GBF1: variants seen among roughly 807,000 people sequenced by gnomAD.
The protein encoded by GBF1 is Golgi-specific brefeldin A-resistance guanine nucleotide exchange factor 1.
A neutral mutation model predicts 210.5 loss-of-function variants in GBF1; 114 were observed. That is an observed-to-expected ratio of 0.54 (90% CI 0.47 to 0.63). The LOEUF is 0.63. Among genes scored for constraint, GBF1 ranks in the 30% least tolerant of loss-of-function variants. The pLI, the probability that GBF1 is intolerant of heterozygous loss-of-function variation, is 0.00. For missense variants in GBF1, 1,851 were observed against 2,357.7 expected (o/e 0.79, Z 4.45); for synonymous variants, 850 against 889.2 (o/e 0.96, Z 0.78).
rs1288068996 is a variant in GBF1 at position 102,363,522 on chromosome 10, CAGAG to C, written c.2017+131_2017+134del. 3 of 962,880 alleles carry C rather than the reference CAGAG, an allele frequency of 3.1e-6. No homozygotes were observed. Among genetic ancestry groups the C allele is most frequent in the African/African-American group, 1.6e-5 (1 of 61,166 alleles). 59.6% of individuals were successfully genotyped at this position (962,880 alleles called of 1,614,324 possible). ...TGGTAGCCCGCCTCGCCTTCAGACTCAGAGAGAGGGAAGCAAACATATGGACCCT... is the reference window on the plus strand; with the variant it reads ...TGGTAGCCCGCCTCGCCTTCAGACTCAGAGGGAAGCAAACATATGGACCCT... On this transcript the variant is annotated intron_variant, in intron 16 of 39. Transcript: ENST00000369983. This position sits in a 1 kb window ranked among gnomAD's most constrained non-coding sequence, Gnocchi z 4.2.
At chr10:102,378,778 CA>C (rs1202883926) in intron 33 of GBF1, among the ~76,000 whole-genome samples, 1 of 151,948 alleles carries the variant, frequency 6.6e-6, no homozygotes, top group Non-Finnish European at 1.5e-5. Flanking sequence ...TACAAAAATA[CA>C]AAAAATTAGC....
At position 102,363,082 on chromosome 10, in the gene GBF1, C is replaced by G. The variant is rs1283512367; in HGVS notation, c.1877-174C>G. Among the ~76,000 whole-genome samples the G allele has an allele frequency of 6.6e-6, 1 of 152,152 alleles. No individual in the cohort carries two copies. The highest frequency in any genetic ancestry group is 1.5e-5 in the Non-Finnish European group (1 of 68,028). On this transcript the variant is annotated intron_variant, in intron 15 of 39. Coordinates refer to ENST00000369983, the MANE Select transcript of GBF1 (RefSeq NM_001377137.1). The surrounding 1 kb of genome is among the most constrained non-coding windows in gnomAD (Gnocchi z 4.2). ...TAATCTCTTCATTAAATTAGAGAAT[C>G]TAATGCTTGGCTGGGACAGGGACTA...
At chr10:102,336,073 A>G (rs2057709637) in intron 3 of GBF1, among the ~76,000 whole-genome samples, 2 of 152,040 alleles carry the variant, frequency 1.3e-5, no homozygotes, top group Non-Finnish European at 2.9e-5. Flanking sequence ...AGGCCGAGGC[A>G]GGCAGATCAC....
chr10:102,337,271 G>A (rs894185327), intron 3 of GBF1, among the ~76,000 whole-genome samples: 9 of 82,544 alleles, frequency 1.1e-4, no homozygotes, highest in African/African-American at 1.9e-4. Flanking sequence ...CCAGGTACTC[G>A]GGGGGCTGAG....
chr10:102,243,845 C>T (rs1396559556), upstream of GBF1, among the ~76,000 whole-genome samples: 2 of 152,020 alleles, frequency 1.3e-5, no homozygotes, highest in African/African-American at 4.8e-5. Context: ...ACTAGAGCAT[C>T]GTGGCCAGGT....
intron 3 of GBF1, among the ~76,000 whole-genome samples, chr10:102,324,181 A>G (rs983514702): frequency 3.9e-5 from 6 of 152,154 alleles, no homozygotes; most frequent in Non-Finnish European, 7.4e-5. Flanking sequence ...CTCTCCCCTT[A>G]GTCTGAAGGA....
At chr10:102,342,333 G>A (rs903845695) in intron 3 of GBF1, among the ~76,000 whole-genome samples, 2 of 151,676 alleles carry the variant, frequency 1.3e-5, no homozygotes, top group East Asian at 1.9e-4. Context: ...CACCGTGCCC[G>A]GCCCTTTTAT....
At position 102,363,312 on chromosome 10, in the gene GBF1, C is replaced by T. The variant is rs753281417; in HGVS notation, c.1933C>T (p.Leu645=). Residue 645 remains leucine, a synonymous_variant, in exon 16 of 40, where the codon CTG becomes TTG. Transcript: ENST00000369983. The surrounding 1 kb of genome is among the most constrained non-coding windows in gnomAD (Gnocchi z 4.2). ...AGGCATGGCCTCAGACATCCCAGGC[C>T]TGCATCTGCCAGGTGGAGGGCGGCT... ...AVGMASDIPG[L]HLPGGGRLPP... is the part of the protein sequence containing the mutation. The T allele has an allele frequency of 2.9e-5, 47 of 1,613,764 alleles. No individual in the cohort carries two copies. The highest frequency in any genetic ancestry group is 3.9e-5 in the Non-Finnish European group (46 of 1,179,802).
intron 3 of GBF1, among the ~76,000 whole-genome samples, chr10:102,279,597 T>C (rs1046648535): frequency 1.1e-4 from 17 of 152,202 alleles, no homozygotes; most frequent in African/African-American, 4.1e-4. Flanking sequence ...ATCATTTTTT[T>C]CTTTCCTTCC....
intron 3 of GBF1, among the ~76,000 whole-genome samples, chr10:102,306,018 G>A (rs907635510): frequency 1.3e-5 from 2 of 151,758 alleles, no homozygotes; most frequent in South Asian, 4.2e-4. Context: ...TGTTGTGGAT[G>A]CCCTTAAATA....
At position 102,369,695 on chromosome 10, in the gene GBF1, T is replaced by G. The variant is rs775830099; in HGVS notation, c.3151-16T>G. 3 of 1,611,610 alleles carry G rather than the reference T, an allele frequency of 1.9e-6. No individual in the cohort carries two copies. The highest frequency in any genetic ancestry group is 2.5e-6 in the Non-Finnish European group (3 of 1,177,812). On this transcript the variant is annotated splice_polypyrimidine_tract_variant and intron_variant, in intron 24 of 39. Coordinates refer to ENST00000369983, the MANE Select transcript of GBF1 (RefSeq NM_001377137.1). Reference sequence around the variant, plus strand: ...AAGGACACATGGAAAGAAATTATTTTGACTTACTTTTCCAGGTAGAAGATT... The same window carrying G: ...AAGGACACATGGAAAGAAATTATTTGGACTTACTTTTCCAGGTAGAAGATT...
chr10:102,336,244 T>A (rs2057724765), intron 3 of GBF1, among the ~76,000 whole-genome samples: 1 of 143,748 alleles, frequency 7.0e-6, no homozygotes, highest in Admixed American at 7.5e-5. Context: ...GAGGTTGCAG[T>A]GAGCCAAGAT....
At chr10:102,359,573 T>C in intron 11 of GBF1, 138 bp downstream of exon 11, 1 of 649,650 alleles carries the variant, frequency 1.5e-6, no homozygotes, top group South Asian at 1.9e-5. Context: ...AGTCAGGAAA[T>C]GGAGTCAAGC....
At position 102,382,114 on chromosome 10, in the gene GBF1, G is replaced by A; in HGVS notation, c.5361G>A (p.Val1787=). The A allele has an allele frequency of 1.9e-6, 3 of 1,599,578 alleles. No individual in the cohort carries two copies. The highest frequency in any genetic ancestry group is 1.7e-6 in the Non-Finnish European group (2 of 1,171,818). The change falls in exon 40 of 40, where the codon GTG becomes GTA. Residue 1787 remains valine, a synonymous_variant. Transcript: ENST00000369983. The stretch of plus-strand genomic sequence containing the variant: ...GCAGCAGCTCCCCAGGATCACCAGT[G>A]GCCTCAAGCCCCAGCAGGCTGAGCC... ...AASSSSPGSP[V]ASSPSRLSPT...
chr10:102,322,674 G>A (rs552851937), intron 3 of GBF1, among the ~76,000 whole-genome samples: 2 of 138,924 alleles, frequency 1.4e-5, no homozygotes, highest in South Asian at 2.3e-4. Flanking sequence ...TTGAATCCAG[G>A]AGTTTGAGAC....
chr10:102,370,345 C>A, intron 27 of GBF1, 39 bp from the exon 28 acceptor site: 1 of 1,535,248 alleles, frequency 6.5e-7, no homozygotes, highest in Non-Finnish European at 9.0e-7. Context: ...TGGTTGGCTT[C>A]TTTTCCATGC....
chr10:102,319,749 A>T, intron 3 of GBF1, among the ~76,000 whole-genome samples: 1 of 128,474 alleles, frequency 7.8e-6, no homozygotes, highest in South Asian at 2.4e-4. Flanking sequence ...TTTTTTTGAG[A>T]CAGAGTTTCA....
chr10:102,366,538 A>T lies in GBF1; in HGVS notation c.2433+32A>T, dbSNP rs752141233. On this transcript the variant is annotated intron_variant, in intron 19 of 39. Coordinates refer to ENST00000369983, the MANE Select transcript of GBF1 (RefSeq NM_001377137.1). This position sits in a 1 kb window ranked among gnomAD's most constrained non-coding sequence, Gnocchi z 4.0. The stretch of plus-strand genomic sequence containing the variant: ...TTGAGTGTCAGGGGCTGAGCCCAGG[A>T]TCCAAGGTCAGTTTGACTGAGGGCT... 6.4e-7 allele frequency: 1 copy of T among 1,570,374 alleles called. No individual in the cohort carries two copies. Among genetic ancestry groups the T allele is most frequent in the Non-Finnish European group, 8.7e-7 (1 of 1,145,350 alleles).
the GBF1 span, among the ~76,000 whole-genome samples, chr10:102,234,789 C>T: frequency 1.3e-5 from 2 of 152,200 alleles, no homozygotes; most frequent in Non-Finnish European, 2.9e-5. Context: ...GCCACCTAGC[C>T]TTCCAGTCAG....
Sources: gnomAD v4.1 joint callset for allele counts (sites outside exome capture counted in the v4.1 genomes callset) on GRCh38, gnomAD v4.1.1 for gene constraint, Gnocchi (gnomAD v3.1) non-coding constraint, MANE v1.5 for transcripts, NCBI Gene and HGNC (gene_info 2026-07-23, HGNC 2026-07-21) for gene names.